The following RBCK1 variants were observed in gnomAD, a reference collection of about 807,000 sequenced individuals.
The protein encoded by RBCK1 is ranBP-type and C3HC4-type zinc finger-containing protein 1.
RBCK1 carries 44 observed loss-of-function variants against 71.1 expected under a neutral mutation model. The ratio of observed to expected loss-of-function variants is 0.62; its 90% CI spans 0.49 to 0.80. The LOEUF (loss-of-function observed/expected upper bound fraction) is 0.80, where lower values mean the gene tolerates loss of function less well. RBCK1 is among the 30% of genes least tolerant of loss of function. The probability of loss-of-function intolerance (pLI) is 0.00; values close to 1 mark genes in which losing one functional copy is unlikely to be tolerated. For synonymous variants in RBCK1, 306 were observed against 279.7 expected, an observed-to-expected ratio of 1.09 and a Z score of -0.94; for missense variants, 569 against 685.0, an observed-to-expected ratio of 0.83 and a Z score of 1.89.
At position 430,453 on chromosome 20, in the gene RBCK1, G is replaced by A; in HGVS notation, c.*23G>A. Reference sequence around the variant, plus strand: ...TGAGCTAAAGATGGTGGGGCCACATGCTGACCCAGCCCCACATCCACATTC... The same window carrying A: ...TGAGCTAAAGATGGTGGGGCCACATACTGACCCAGCCCCACATCCACATTC... On this transcript the variant is annotated 3_prime_UTR_variant, in exon 12 of 12. Transcript: ENST00000356286. This position sits in a 1 kb window ranked among gnomAD's most constrained non-coding sequence, Gnocchi z 5.6. 6.3e-7 allele frequency: 1 copy of A among 1,578,124 alleles called. No homozygotes were observed. Among genetic ancestry groups the A allele is most frequent in the Non-Finnish European group, 8.7e-7 (1 of 1,147,382 alleles).
intron 8 of RBCK1, among the ~76,000 whole-genome samples, chr20:424,254 T>C (rs2016588713): frequency 6.6e-6 from 1 of 152,230 alleles, no homozygotes; most frequent in Non-Finnish European, 1.5e-5. Context: ...GTTTCCCTTC[T>C]GTGGGACTCC....
intron 8 of RBCK1, among the ~76,000 whole-genome samples, chr20:425,623 A>ATTTTTTTTT (rs200677519): frequency 4.6e-5 from 6 of 130,068 alleles, no homozygotes; most frequent in African/African-American, 8.7e-5. Context: ...TGCATGGTGT[A>ATTTTTTTTT]TTCTTTTTTT....
chr20:410,126 C>T, intron 2 of RBCK1, 101 bp downstream of exon 2: 1 of 1,352,078 alleles, frequency 7.4e-7, no homozygotes, highest in Non-Finnish European at 1.0e-6. Context: ...CTTCAGGAGG[C>T]CTGGCTTCTA....
At position 422,354 on chromosome 20, in the gene RBCK1, A is replaced by G; in HGVS notation, c.1029+116A>G. 4 of 810,430 alleles carry G rather than the reference A, an allele frequency of 4.9e-6. No homozygotes were observed. Among genetic ancestry groups the G allele is most frequent in the Non-Finnish European group, 8.1e-6 (4 of 495,524 alleles). The allele number at this position is 810,430 out of a possible 1,614,324, so 50.2% of individuals were successfully genotyped here. A position where few individuals can be genotyped will look rare whatever the true frequency, so the allele number is the denominator to read the frequency against. ...TTTTTTTTTTTGGAGATGGGGTCTC[A>G]CTATGTTGTCCAAGCTGGTCTCAAA... On this transcript the variant is annotated intron_variant, in intron 8 of 11. Transcript: ENST00000356286. The surrounding 1 kb of genome is among the most constrained non-coding windows in gnomAD (Gnocchi z 5.0).
chr20:417,175 A>G lies in RBCK1; in HGVS notation c.168-351A>G. ...TTAATACACATGAAGTGCATTAAAT[A>G]GTCTTAGCACGTAGTTAACAACAAC... On this transcript the variant is annotated intron_variant, in intron 2 of 11. Coordinates refer to ENST00000356286, the MANE Select transcript of RBCK1 (RefSeq NM_031229.4). This position sits in a 1 kb window ranked among gnomAD's most constrained non-coding sequence, Gnocchi z 4.7. 1 of 505,244 alleles carries G rather than the reference A, an allele frequency of 2.0e-6. No individual in the cohort carries two copies. Among genetic ancestry groups the G allele is most frequent in the Non-Finnish European group, 4.0e-6 (1 of 249,488 alleles). The allele number at this position is 505,244 out of a possible 1,614,324, so 31.3% of individuals were successfully genotyped here.
intron 6 of RBCK1, 127 bp downstream of exon 6, chr20:419,858 G>T (rs942901525): frequency 1.7e-5 from 24 of 1,430,268 alleles, no homozygotes; most frequent in Non-Finnish European, 2.2e-5. Flanking sequence ...CATGCTGCTG[G>T]CAGTGACCCT....
intron 2 of RBCK1, chr20:410,775 G>C: frequency 8.6e-6 from 4 of 464,144 alleles, no homozygotes; most frequent in Non-Finnish European, 1.5e-5. Context: ...TTTTTTGACT[G>C]CTTTTTCATT....
chr20:408,855 C>T (rs1402739161), intron 1 of RBCK1, 76 bp downstream of exon 1: 1 of 1,543,024 alleles, frequency 6.5e-7, no homozygotes, highest in Non-Finnish European at 8.8e-7. Context: ...TGCCCCTGGC[C>T]AGAAGGGCCT....
At chr20:415,445 C>T (rs777946763) in intron 2 of RBCK1, among the ~76,000 whole-genome samples, 16 of 152,134 alleles carry the variant, frequency 1.1e-4, no homozygotes, top group Non-Finnish European at 1.6e-4. Context: ...CCTTAAAATC[C>T]GCTAATGCCC....
Position 419,456 on chromosome 20 carries a change from T to A in RBCK1, c.570T>A (p.Pro190=). The part of the protein sequence containing the change: ...EPGRGQPDAV[P]EPPPVGWQCP... ...GACGGGGGCAGCCAGATGCAGTGCC[T>A]GAGCCCCCACCGGTAAGCTGTCCTT... Residue 190 remains proline (P), a synonymous_variant, in exon 5 of 12, where the codon CCT becomes CCA. Transcript: ENST00000356286. 1 of 1,607,254 alleles carries A rather than the reference T, an allele frequency of 6.2e-7. No individual in the cohort carries two copies. The highest frequency in any genetic ancestry group is 8.5e-7 in the Non-Finnish European group (1 of 1,177,044).
rs117958154 is a variant in RBCK1, at chr20:430,068, G to C, written c.1453-282G>C. Among the ~76,000 whole-genome samples the C allele has an allele frequency of 4.6e-3, 707 of 152,344 alleles. 2 individuals are homozygous for C. Among genetic ancestry groups the C allele is most frequent in the Middle Eastern group, 0.014 (4 of 294 alleles). ...TACGTTCAGGTAGACTTTCAGACAG[G>C]TGGAGGCAGAGGAAACTGCCCTCTC... On this transcript the variant is annotated intron_variant, in intron 11 of 11. Transcript: ENST00000356286. This position sits in a 1 kb window ranked among gnomAD's most constrained non-coding sequence, Gnocchi z 5.6.
intron 6 of RBCK1, chr20:420,067 A>T (rs2016290459): frequency 8.1e-6 from 8 of 984,970 alleles, no homozygotes; most frequent in Non-Finnish European, 7.2e-6. Context: ...CCATGACCCC[A>T]GCACCCTAGC....
Position 424,534 on chromosome 20 carries a change from G to C in RBCK1, c.1029+2296G>C, listed in dbSNP as rs929258255. On this transcript the variant is annotated intron_variant, in intron 8 of 11. Transcript: ENST00000356286. The stretch of plus-strand genomic sequence containing the variant: ...AAGAGGTTCTGCCCCTGGGGAAAAG[G>C]GGGAGGCAGAAGAGGTAGAACTTTG... 3.3e-5 allele frequency among the ~76,000 whole-genome samples: 5 copies of C among 152,200 alleles called. No individual in the cohort carries two copies. In the South Asian group the frequency reaches 1.0e-3, roughly 32 times the overall value.
At position 419,398 on chromosome 20, in the gene RBCK1, G is replaced by GC. The variant is rs1470326364; in HGVS notation, c.518dup (p.Pro175AlafsTer17). ...CAGCCGCGGGGCCCTCTGGAGCCAG[G>GC]CCCCCCAAAGCCCGGGGTCCCCCAG... is the stretch of plus-strand genomic sequence containing the variant. On this transcript the variant is annotated frameshift_variant, in exon 5 of 12. Coordinates refer to ENST00000356286, the MANE Select transcript of RBCK1 (RefSeq NM_031229.4). LOFTEE classifies it high-confidence loss of function. The GC allele has an allele frequency of 1.2e-6, 2 of 1,611,428 alleles. No individual in the cohort carries two copies. Among genetic ancestry groups the GC allele is most frequent in the Non-Finnish European group, 8.5e-7 (1 of 1,179,360 alleles).
chr20:429,159 G>A lies in RBCK1; in HGVS notation c.1452+65G>A, dbSNP rs1158043848. The stretch of plus-strand genomic sequence containing the variant: ...GTGGGCTTTGCCTTAGAGGAGGGCT[G>A]GGAAAACTACAGCCCATGGGCCATA... On this transcript the variant is annotated intron_variant, in intron 11 of 11. Coordinates refer to ENST00000356286, the MANE Select transcript of RBCK1 (RefSeq NM_031229.4). 4 of 1,543,272 alleles carry A rather than the reference G, an allele frequency of 2.6e-6. No homozygotes were observed. The African/African-American group carries it at 5.5e-5, about 21-fold the overall frequency.
chr20:410,374 C>T (rs1213237494), intron 2 of RBCK1: 1 of 776,784 alleles, frequency 1.3e-6, no homozygotes, highest in Non-Finnish European at 2.4e-6. Context: ...CTCAGAGGCT[C>T]ATATTGTTTC....
At position 417,429 on chromosome 20, in the gene RBCK1, C is replaced by A; in HGVS notation, c.168-97C>A. ...TGTGTGTGTGTGTGTGTGTGCATGG[C>A]CATGTGCCTGTGTGCAAATATGTAC... On this transcript the variant is annotated intron_variant, in intron 2 of 11. Coordinates refer to ENST00000356286, the MANE Select transcript of RBCK1 (RefSeq NM_031229.4). This position sits in a 1 kb window ranked among gnomAD's most constrained non-coding sequence, Gnocchi z 4.7. 2 of 977,710 alleles carry A rather than the reference C, an allele frequency of 2.0e-6. No homozygotes were observed. The highest frequency in any genetic ancestry group is 3.3e-6 in the Non-Finnish European group (2 of 608,494). 60.6% of individuals were successfully genotyped at this position (977,710 alleles called of 1,614,324 possible).
chr20:422,207 CG>C lies in RBCK1; in HGVS notation c.1001del (p.Gly334AlafsTer12). ...CPFIDNTYSCSGKLLEREIKA... is the reference protein window; with the variant it reads ...CPFIDNTYSCXGKLLEREIKA... ...TTCATTGACAACACCTACTCGTGCT[CG>C]GGCAAGCTGCTGGAGAGGGAGATCA... is the stretch of plus-strand genomic sequence containing the variant. On this transcript the variant is annotated frameshift_variant, in exon 8 of 12. Coordinates refer to ENST00000356286, the MANE Select transcript of RBCK1 (RefSeq NM_031229.4). LOFTEE classifies it high-confidence loss of function. The surrounding 1 kb of genome is among the most constrained non-coding windows in gnomAD (Gnocchi z 5.0). 6.2e-7 allele frequency: 1 copy of C among 1,613,366 alleles called. No homozygotes were observed.
chr20:421,049 A>G lies in RBCK1; in HGVS notation c.917+18A>G, dbSNP rs1242762356. On this transcript the variant is annotated intron_variant, in intron 7 of 11. Coordinates refer to ENST00000356286, the MANE Select transcript of RBCK1 (RefSeq NM_031229.4). The stretch of plus-strand genomic sequence containing the variant: ...TTCTGCAGGTGCGGCCCCCAGTCCC[A>G]CCCCCGGCAATGCAGCTTAATCAAA... 1.3e-6 allele frequency: 2 copies of G among 1,523,596 alleles called. No homozygotes were observed. Among genetic ancestry groups the G allele is most frequent in the Non-Finnish European group, 8.8e-7 (1 of 1,131,492 alleles). 94.4% of individuals were successfully genotyped at this position (1,523,596 alleles called of 1,614,324 possible). A position where few individuals can be genotyped will look rare whatever the true frequency, so the allele number is the denominator to read the frequency against.
Sources: gnomAD v4.1 joint callset for allele counts (sites outside exome capture counted in the v4.1 genomes callset) on GRCh38, gnomAD v4.1.1 for gene constraint, Gnocchi (gnomAD v3.1) non-coding constraint, MANE v1.5 for transcripts, NCBI Gene and HGNC (gene_info 2026-07-23, HGNC 2026-07-21) for gene names.